HRH2: variants seen among roughly 807,000 people sequenced by gnomAD.
HRH2 encodes histamine receptor H2, also known as histamine H2 receptor.
A neutral mutation model predicts 20.1 loss-of-function variants in HRH2; 4 were observed. That is an observed-to-expected ratio of 0.20 (90% CI 0.10 to 0.45). The LOEUF is 0.45. Among genes scored for constraint, HRH2 ranks in the 20% least tolerant of loss-of-function variants. The pLI is 0.99. For synonymous variants in HRH2, 197 were observed against 200.7 expected, an observed-to-expected ratio of 0.98 and a Z score of 0.16; for missense variants, 250 against 461.6, an observed-to-expected ratio of 0.54 and a Z score of 4.20.
chr5:175,700,730 T>TA lies in HRH2; in HGVS notation c.1077-7041dup, dbSNP rs537473442. Among the ~76,000 whole-genome samples, 12 of 151,496 alleles carry TA rather than the reference T, an allele frequency of 7.9e-5. No individual in the cohort carries two copies. In the South Asian group the frequency reaches 1.7e-3, roughly 21 times the overall value. ...GAAACCACGTCTCTACTAAAAATAA[T>TA]AAAAAAAATTAGCCAGGCATGGTGG... On this transcript the variant is annotated intron_variant, in intron 2 of 2. Coordinates refer to ENST00000636584, the MANE Select transcript of HRH2 (RefSeq NM_001367711.1).
intron 2 of HRH2, among the ~76,000 whole-genome samples, chr5:175,684,651 C>T (rs1756104575): frequency 6.6e-6 from 1 of 152,230 alleles, no homozygotes; most frequent in African/African-American, 2.4e-5. Context: ...CTGACTGCCA[C>T]TGAGGAGTCG....
At position 175,683,879 on chromosome 5, in the gene HRH2, A is replaced by T; in HGVS notation, c.646A>T (p.Ile216Phe). Residue 216 changes from isoleucine (I) to phenylalanine (F), a missense_variant, in exon 2 of 3, where the codon ATC becomes TTC. This residue lies in a region of HRH2 where 58 missense variants were observed against 166.8 expected (regional missense o/e 0.35). Coordinates refer to ENST00000636584, the MANE Select transcript of HRH2 (RefSeq NM_001367711.1). Reference protein sequence around the residue: ...FKVARDQAKRINHISSWKAAT... With the variant: ...FKVARDQAKRFNHISSWKAAT... ...GGTCGCCCGGGATCAGGCCAAGAGG[A>T]TCAATCACATTAGCTCCTGGAAGGC... 6.2e-7 allele frequency: 1 copy of T among 1,614,104 alleles called. No individual in the cohort carries two copies. Among genetic ancestry groups the T allele is most frequent in the Non-Finnish European group, 8.5e-7 (1 of 1,180,018 alleles).
At chr5:175,695,649 G>T in intron 2 of HRH2, among the ~76,000 whole-genome samples, 1 of 152,218 alleles carries the variant, frequency 6.6e-6, no homozygotes, top group East Asian at 1.9e-4. Context: ...GGCTGTGGGG[G>T]CCTCCCTGCT....
Position 175,686,958 on chromosome 5 carries a change from C to T in HRH2, c.1076+2649C>T, listed in dbSNP as rs1223105892. Among the ~76,000 whole-genome samples, 2 of 152,202 alleles carry T rather than the reference C, an allele frequency of 1.3e-5. No individual in the cohort carries two copies. The highest frequency in any genetic ancestry group is 4.8e-5 in the African/African-American group (2 of 41,456). ...AGTGTCCATCTCCTGCTCTGATCCT[C>T]GTGGGCACCCTGGGTGGGAGGCTGT... On this transcript the variant is annotated intron_variant, in intron 2 of 2. Transcript: ENST00000636584. The surrounding 1 kb of genome is among the most constrained non-coding windows in gnomAD (Gnocchi z 4.7).
At chr5:175,665,708 C>T (rs1402453673) in intron 1 of HRH2, among the ~76,000 whole-genome samples, 1 of 152,116 alleles carries the variant, frequency 6.6e-6, no homozygotes, top group Non-Finnish European at 1.5e-5. Context: ...GGCAGATTCC[C>T]CCAAACAATT....
Position 175,684,194 on chromosome 5 carries a change from G to A in HRH2, c.961G>A (p.Ala321Thr), listed in dbSNP as rs755790676. ...NSHKTSLRSN[A>T]SQLSRTQSRE... ...CCACAAAACTTCTCTGAGGTCCAAC[G>A]CCTCTCAGCTGTCCAGGACCCAAAG... The change falls in exon 2 of 3, where the codon GCC (alanine) becomes ACC (threonine). Residue 321 changes from alanine (A) to threonine (T), a missense_variant. Physicochemically the swap from Ala to Thr is moderately conservative, Grantham distance 58. Transcript: ENST00000636584. The A allele has an allele frequency of 1.4e-5, 23 of 1,614,040 alleles. No homozygotes were observed. Among genetic ancestry groups the A allele is most frequent in the African/African-American group, 4.0e-5 (3 of 74,902 alleles).
At chr5:175,692,613 C>T (rs74883511) in intron 2 of HRH2, among the ~76,000 whole-genome samples, 7,026 of 152,164 alleles carry the variant, frequency 0.046, 549 homozygotes, top group African/African-American at 0.16. Context: ...TTTTTTTTCC[C>T]CATGGCCCAT....
intron 1 of HRH2, among the ~76,000 whole-genome samples, chr5:175,658,922 G>A (rs1762652995): frequency 6.6e-6 from 1 of 151,098 alleles, no homozygotes; most frequent in African/African-American, 2.5e-5. Flanking sequence ...TCCATGAGGT[G>A]TTGTGAGGCG....
At position 175,687,511 on chromosome 5, in the gene HRH2, G is replaced by T. The variant is rs184644570; in HGVS notation, c.1076+3202G>T. Among the ~76,000 whole-genome samples, 4 of 152,114 alleles carry T rather than the reference G, an allele frequency of 2.6e-5. No homozygotes were observed. Among genetic ancestry groups the T allele is most frequent in the Non-Finnish European group, 5.9e-5 (4 of 68,012 alleles). ...GCTGGCTGGTCCTCCCTTCCCTGTGGCCAACCAGCAGCCACCCCACAATGT... is the reference window on the plus strand; with the variant it reads ...GCTGGCTGGTCCTCCCTTCCCTGTGTCCAACCAGCAGCCACCCCACAATGT... On this transcript the variant is annotated intron_variant, in intron 2 of 2. Coordinates refer to ENST00000636584, the MANE Select transcript of HRH2 (RefSeq NM_001367711.1). The surrounding 1 kb of genome is among the most constrained non-coding windows in gnomAD (Gnocchi z 5.2).
chr5:175,694,981 G>A (rs530598121), intron 2 of HRH2, among the ~76,000 whole-genome samples: 102 of 152,160 alleles, frequency 6.7e-4, no homozygotes, highest in Admixed American at 1.9e-3. Flanking sequence ...TCTCTCCACC[G>A]TTTCTGTTTG....
At chr5:175,684,805 C>T (rs557888324) in intron 2 of HRH2, among the ~76,000 whole-genome samples, 3 of 152,004 alleles carry the variant, frequency 2.0e-5, no homozygotes, top group East Asian at 3.9e-4. Context: ...CAGCTCTTAC[C>T]GTGGGGGGGG....
chr5:175,701,478 C>T (rs1756785892), intron 2 of HRH2, among the ~76,000 whole-genome samples: 1 of 152,308 alleles, frequency 6.6e-6, no homozygotes, highest in South Asian at 2.1e-4. Context: ...CGGCTTCCCG[C>T]TCGGATTGCC....
chr5:175,699,767 G>T (rs938112097), intron 2 of HRH2, among the ~76,000 whole-genome samples: 1 of 152,132 alleles, frequency 6.6e-6, no homozygotes, highest in Non-Finnish European at 1.5e-5. Context: ...TAGAGACAGG[G>T]TTTCACCGTG....
intron 2 of HRH2, among the ~76,000 whole-genome samples, chr5:175,689,449 G>C (rs2113531399): frequency 6.6e-6 from 1 of 152,276 alleles, no homozygotes; most frequent in East Asian, 1.9e-4. Flanking sequence ...ACTGTGCCTG[G>C]CACAGAACAG....
rs1247525195 is a variant in HRH2 at position 175,684,657 on chromosome 5, A to G, written c.1076+348A>G. Among the ~76,000 whole-genome samples the G allele has an allele frequency of 2.0e-5, 3 of 152,284 alleles. No homozygotes were observed. The East Asian group carries it at 5.8e-4, about 29-fold the overall frequency. ...GTTTGAAGCCTGACTGCCACTGAGG[A>G]GTCGTAAGTGTTCAACCAACCCCTC... On this transcript the variant is annotated intron_variant, in intron 2 of 2. Coordinates refer to ENST00000636584, the MANE Select transcript of HRH2 (RefSeq NM_001367711.1).
At chr5:175,682,040 G>T (rs909333469) in intron 1 of HRH2, among the ~76,000 whole-genome samples, 1 of 152,224 alleles carries the variant, frequency 6.6e-6, no homozygotes, top group Non-Finnish European at 1.5e-5. Flanking sequence ...ACGTGAAAAT[G>T]ATATGAAATT....
rs557351205 is a variant in HRH2, at chr5:175,686,751, A to G, written c.1076+2442A>G. ...GACTCAGGGCCTCACTTCATCCTCC[A>G]CACAACCCTGTGAAGCAGGGACTTG... On this transcript the variant is annotated intron_variant, in intron 2 of 2. Transcript: ENST00000636584. The surrounding 1 kb of genome is among the most constrained non-coding windows in gnomAD (Gnocchi z 4.7). Among the ~76,000 whole-genome samples, 69 of 152,302 alleles carry G rather than the reference A, an allele frequency of 4.5e-4. No homozygotes were observed. The highest frequency in any genetic ancestry group is 1.6e-3 in the African/African-American group (65 of 41,566).
At chr5:175,660,544 T>C (rs1420386771) in intron 1 of HRH2, among the ~76,000 whole-genome samples, 1 of 152,228 alleles carries the variant, frequency 6.6e-6, no homozygotes, top group African/African-American at 2.4e-5. Context: ...TGTTTGCCCA[T>C]GGATGGTGGG....
intron 1 of HRH2, among the ~76,000 whole-genome samples, chr5:175,664,931 C>T (rs1762843060): frequency 6.6e-6 from 1 of 152,216 alleles, no homozygotes; most frequent in Admixed American, 6.5e-5. Flanking sequence ...AGCCACCGCA[C>T]ACGGCCCGCA....
Sources: allele counts gnomAD v4.1 joint callset (sites outside exome capture counted in the v4.1 genomes callset), GRCh38; gene constraint gnomAD v4.1.1; regional missense constraint gnomAD v4.1.1; non-coding constraint Gnocchi (gnomAD v3.1); transcripts MANE v1.5; gene names NCBI Gene and HGNC (gene_info 2026-07-23, HGNC 2026-07-21).